Variants in DPP10 observed in about 807,000 individuals in gnomAD.
DPP10 encodes dipeptidyl peptidase like 10.
Under a neutral mutation model 120.9 loss-of-function variants are expected in DPP10, and 33 were observed. That is an observed-to-expected ratio of 0.27 (90% CI 0.21 to 0.37). DPP10 has a LOEUF of 0.37. Among genes scored for constraint, DPP10 ranks in the 10% least tolerant of loss-of-function variants. The pLI is 1.00. For synonymous variants in DPP10, 337 were observed against 326.1 expected (o/e 1.03, Z -0.36); for missense variants, 816 against 942.8 (o/e 0.87, Z 1.76).
At chr2:114,610,461 G>C (rs191311307) in intron 1 of DPP10, among the ~76,000 whole-genome samples, 2 of 152,192 alleles carry the variant, frequency 1.3e-5, no homozygotes, top group East Asian at 3.9e-4. Context: ...TTCCTGAGCT[G>C]CATGAAAGAA....
chr2:114,986,454 T>C (rs1197883997), intron 1 of DPP10, among the ~76,000 whole-genome samples: 1 of 152,178 alleles, frequency 6.6e-6, no homozygotes, highest in Non-Finnish European at 1.5e-5. Flanking sequence ...TTACACCTGC[T>C]TCCCTGAGGT....
intron 1 of DPP10, among the ~76,000 whole-genome samples, chr2:114,933,593 T>C (rs899728509): frequency 2.0e-5 from 3 of 152,168 alleles, no homozygotes; most frequent in Non-Finnish European, 4.4e-5. Context: ...TTGCAGTTGA[T>C]TGACTAAATT....
intron 1 of DPP10, among the ~76,000 whole-genome samples, chr2:115,238,660 G>A (rs2105545559): frequency 6.6e-6 from 1 of 152,140 alleles, no homozygotes; most frequent in Middle Eastern, 3.4e-3. Context: ...AAACCTAAGT[G>A]GATAAGGATT....
At chr2:115,201,072 C>A (rs1299217964) in intron 1 of DPP10, among the ~76,000 whole-genome samples, 2 of 152,186 alleles carry the variant, frequency 1.3e-5, no homozygotes, top group Non-Finnish European at 2.9e-5. Context: ...ATAAATGAGA[C>A]TCCAGGCATT....
intron 2 of DPP10, among the ~76,000 whole-genome samples, chr2:115,327,631 T>A (rs1370549978): frequency 2.0e-5 from 3 of 152,058 alleles, no homozygotes; most frequent in African/African-American, 7.2e-5. Flanking sequence ...AATAATGTTC[T>A]ATGAGAAACA....
intron 1 of DPP10, among the ~76,000 whole-genome samples, chr2:114,487,575 T>C (rs1471920426): frequency 6.6e-6 from 1 of 152,212 alleles, no homozygotes; most frequent in African/African-American, 2.4e-5. Flanking sequence ...CAATTAAAAA[T>C]GTTTAACCTT....
At chr2:114,807,729 C>A (rs1684851778) in intron 1 of DPP10, among the ~76,000 whole-genome samples, 1 of 152,140 alleles carries the variant, frequency 6.6e-6, no homozygotes, top group South Asian at 2.1e-4. Flanking sequence ...TGCTATGTAA[C>A]AAACCACTCC....
chr2:114,653,027 AGT>A lies in DPP10; in HGVS notation c.60+210220_60+210221del, dbSNP rs10528455. ...GAGAGAGAAAGAGAGAGAGAGAGAGAGTGTGTGTGTGTGTGTGTGTGTGTGTG... is the reference window on the plus strand; with the variant it reads ...GAGAGAGAAAGAGAGAGAGAGAGAGAGTGTGTGTGTGTGTGTGTGTGTGTG... On this transcript the variant is annotated intron_variant, in intron 1 of 25. Transcript: ENST00000410059. Among the ~76,000 whole-genome samples, 579 of 135,724 alleles carry A rather than the reference AGT, an allele frequency of 4.3e-3. 3 individuals carry two copies. Among genetic ancestry groups the A allele is most frequent in the South Asian group, 0.015 (63 of 4,282 alleles). The allele number at this position is 135,724 out of a possible 152,430, so 89.0% of individuals were successfully genotyped here.
At chr2:114,676,692 A>T (rs1698692124) in intron 1 of DPP10, among the ~76,000 whole-genome samples, 1 of 152,108 alleles carries the variant, frequency 6.6e-6, no homozygotes, top group Non-Finnish European at 1.5e-5. Flanking sequence ...ATATTTTGAT[A>T]ATGTTCCTAA....
chr2:114,622,024 G>C (rs1694129097), intron 1 of DPP10, among the ~76,000 whole-genome samples: 1 of 151,854 alleles, frequency 6.6e-6, no homozygotes, highest in African/African-American at 2.4e-5. Flanking sequence ...TCAGCATATA[G>C]AGGCTATATT....
chr2:115,682,650 G>A (rs2090738946), intron 5 of DPP10, among the ~76,000 whole-genome samples: 1 of 151,852 alleles, frequency 6.6e-6, no homozygotes, highest in South Asian at 2.1e-4. Flanking sequence ...ACATAGGCCA[G>A]TTGAATTATA....
At chr2:114,570,847 A>AG (rs1372480065) in intron 1 of DPP10, among the ~76,000 whole-genome samples, 1 of 150,846 alleles carries the variant, frequency 6.6e-6, no homozygotes, top group Non-Finnish European at 1.5e-5. Flanking sequence ...AAAAAAAAAA[A>AG]AAAAAAAAAA....
At chr2:114,702,054 C>T (rs1412480031) in intron 1 of DPP10, among the ~76,000 whole-genome samples, 1 of 152,108 alleles carries the variant, frequency 6.6e-6, no homozygotes, top group Non-Finnish European at 1.5e-5. Context: ...GTCCTCTGAG[C>T]ATCTGTAAGT....
chr2:115,167,142 T>C (rs1389410193), intron 1 of DPP10, among the ~76,000 whole-genome samples: 1 of 152,134 alleles, frequency 6.6e-6, no homozygotes, highest in Non-Finnish European at 1.5e-5. Context: ...CAGTTCCCTT[T>C]AGATGTTTGT....
intron 1 of DPP10, among the ~76,000 whole-genome samples, chr2:115,086,856 C>A (rs1708749990): frequency 6.6e-6 from 1 of 151,360 alleles, no homozygotes; most frequent in Admixed American, 6.6e-5. Flanking sequence ...ATGTCAGGAC[C>A]TCCTGAGAGC....
intron 1 of DPP10, among the ~76,000 whole-genome samples, chr2:114,597,591 A>G (rs1692021172): frequency 1.3e-5 from 2 of 151,992 alleles, no homozygotes. Flanking sequence ...ATCTGTCTAG[A>G]TAAAATTTTG....
At chr2:114,641,388 T>TCAA in intron 1 of DPP10, among the ~76,000 whole-genome samples, 1 of 152,048 alleles carries the variant, frequency 6.6e-6, no homozygotes, top group Admixed American at 6.5e-5. Context: ...TGAGTTCTTT[T>TCAA]TCTTGTGATT....
intron 1 of DPP10, among the ~76,000 whole-genome samples, chr2:115,116,385 C>G (rs2049506829): frequency 6.6e-6 from 1 of 152,138 alleles, no homozygotes; most frequent in African/African-American, 2.4e-5. Context: ...TCTATAACCT[C>G]TATTTATCAT....
At chr2:115,029,931 GT>G (rs1703724847) in intron 1 of DPP10, among the ~76,000 whole-genome samples, 1 of 152,166 alleles carries the variant, frequency 6.6e-6, no homozygotes, top group Non-Finnish European at 1.5e-5. Context: ...AACTCAGGTA[GT>G]TTTGTCGGGT....
Sources: allele counts gnomAD v4.1 joint callset (sites outside exome capture counted in the v4.1 genomes callset), GRCh38; gene constraint gnomAD v4.1.1; transcripts MANE v1.5; gene names NCBI Gene and HGNC (gene_info 2026-07-23, HGNC 2026-07-21).